The following TMEM65 variants were observed in gnomAD, a reference collection of about 807,000 sequenced individuals.
The protein encoded by TMEM65 is transmembrane protein 65.
Under a neutral mutation model 25.4 loss-of-function variants are expected in TMEM65, and 22 were observed. That is an observed-to-expected ratio of 0.86 (90% CI 0.62 to 1.23). The LOEUF is 1.23. TMEM65 is among the 50% of genes most tolerant of loss of function. The pLI, the probability that TMEM65 is intolerant of heterozygous loss-of-function variation, is 0.00. For synonymous variants in TMEM65, 132 were observed against 126.2 expected (o/e 1.05, Z -0.31); for missense variants, 262 against 308.2 (o/e 0.85, Z 1.12).
intron 6 of TMEM65, among the ~76,000 whole-genome samples, chr8:124,316,494 A>G (rs1248873089): frequency 6.6e-6 from 1 of 152,144 alleles, no homozygotes; most frequent in Non-Finnish European, 1.5e-5. Flanking sequence ...TCAAAATGTT[A>G]TGTTACAGAG....
intron 4 of TMEM65, among the ~76,000 whole-genome samples, chr8:124,323,045 T>C (rs1278295017): frequency 2.0e-5 from 3 of 151,974 alleles, no homozygotes; most frequent in African/African-American, 4.8e-5. Context: ...AGGGTAGAAA[T>C]GTTTAGGGGT....
intron 6 of TMEM65, among the ~76,000 whole-genome samples, chr8:124,315,512 G>A (rs1460980568): frequency 4.0e-5 from 6 of 151,830 alleles, no homozygotes; most frequent in African/African-American, 1.5e-4. Context: ...TAGTAGAGCC[G>A]GGGTTTCACT....
At chr8:124,360,248 G>A (rs1814842085) in intron 1 of TMEM65, among the ~76,000 whole-genome samples, 5 of 152,014 alleles carry the variant, frequency 3.3e-5, no homozygotes, top group Admixed American at 3.3e-4. Context: ...GGCTAACATG[G>A]TGAAACTCAG....
At chr8:124,365,314 A>G (rs1814924001) in intron 1 of TMEM65, among the ~76,000 whole-genome samples, 1 of 152,226 alleles carries the variant, frequency 6.6e-6, no homozygotes, top group African/African-American at 2.4e-5. Flanking sequence ...TGAAGAGACA[A>G]CACAATCAAG....
In TMEM65 at chr8:124,308,479, A is replaced by G. The variant is rs1179646192; in HGVS notation, c.*5481T>C. The G allele has an allele frequency of 6.6e-6, 1 of 152,244 alleles. No individual in the cohort carries two copies. The highest frequency in any genetic ancestry group is 1.9e-4 in the East Asian group (1 of 5,204). 9.4% of individuals were successfully genotyped at this position (152,244 alleles called of 1,614,324 possible). A position where few individuals can be genotyped will look rare whatever the true frequency, so the allele number is the denominator to read the frequency against. ...CATGAAAGCCATCAAGCCCAAAACA[A>G]TAAATTCCTGCTGAGGAAAACAACC... On this transcript the variant is annotated 3_prime_UTR_variant, in exon 7 of 7. Coordinates refer to ENST00000297632, the MANE Select transcript of TMEM65 (RefSeq NM_194291.3).
intron 5 of TMEM65, among the ~76,000 whole-genome samples, chr8:124,321,545 A>G (rs756072387): frequency 2.0e-5 from 3 of 152,266 alleles, no homozygotes; most frequent in South Asian, 2.1e-4. Flanking sequence ...TGCCACATAA[A>G]GTAAAGAGAG....
chr8:124,329,919 T>C (rs950451718), intron 2 of TMEM65, among the ~76,000 whole-genome samples: 1 of 151,914 alleles, frequency 6.6e-6, no homozygotes, highest in African/African-American at 2.4e-5. Flanking sequence ...AATTTTTAAA[T>C]TGTTTTGGTA....
At chr8:124,332,453 C>T (rs191550897) in intron 1 of TMEM65, among the ~76,000 whole-genome samples, 14 of 152,110 alleles carry the variant, frequency 9.2e-5, no homozygotes, top group Non-Finnish European at 1.8e-4. Context: ...TTGAGTAAAA[C>T]ATTAAAAATA....
intron 3 of TMEM65, among the ~76,000 whole-genome samples, chr8:124,325,330 T>G (rs1170227565): frequency 1.3e-5 from 2 of 152,038 alleles, no homozygotes; most frequent in Admixed American, 1.3e-4. Context: ...TAATAATCAC[T>G]TATTTCCCCT....
chr8:124,343,982 T>C lies in TMEM65; in HGVS notation c.305-13190A>G, dbSNP rs1482872175. On this transcript the variant is annotated intron_variant, in intron 1 of 6. Transcript: ENST00000297632. ...TAGGCAAATGTGTAACCCTAATTCC[T>C]TGTCAGTAGCCTCCAACCTTGCAAT... Among the ~76,000 whole-genome samples, 5 of 152,208 alleles carry C rather than the reference T, an allele frequency of 3.3e-5. 1 individual carries two copies. The highest frequency in any genetic ancestry group is 3.3e-4 in the Admixed American group (5 of 15,270).
At position 124,330,619 on chromosome 8, in the gene TMEM65, T is replaced by C. The variant is rs541642598; in HGVS notation, c.349+129A>G. The C allele has an allele frequency of 4.2e-5, 33 of 788,644 alleles. No homozygotes were observed. In the African/African-American group the frequency reaches 5.9e-4, roughly 14 times the overall value. 48.9% of individuals were successfully genotyped at this position (788,644 alleles called of 1,614,324 possible). On this transcript the variant is annotated intron_variant, in intron 2 of 6. Transcript: ENST00000297632. ...TTTATAAACTTTGTGCTTCATATAA[T>C]GAACAGGATAATCCACTCTATCTGG...
At position 124,309,047 on chromosome 8, in the gene TMEM65, AAGG is replaced by A. The variant is rs1306901635; in HGVS notation, c.*4910_*4912del. ...ACCTCAGCCTACTCAACATGAAGAC[AAGG>A]AGGATGAAGACTTTTATCATGATCC... is the stretch of plus-strand genomic sequence containing the variant. On this transcript the variant is annotated 3_prime_UTR_variant, in exon 7 of 7. Transcript: ENST00000297632. 12 of 152,404 alleles carry A rather than the reference AAGG, an allele frequency of 7.9e-5. No individual in the cohort carries two copies. The highest frequency in any genetic ancestry group is 7.2e-4 in the Admixed American group (11 of 15,294). 9.4% of individuals were successfully genotyped at this position (152,404 alleles called of 1,614,324 possible).
At chr8:124,358,168 G>T (rs1563598849) in intron 1 of TMEM65, among the ~76,000 whole-genome samples, 1 of 152,088 alleles carries the variant, frequency 6.6e-6, no homozygotes, top group Non-Finnish European at 1.5e-5. Context: ...ACTGGTTGAA[G>T]GATTTGGGGC....
At chr8:124,325,104 C>G (rs1027685428) in intron 3 of TMEM65, among the ~76,000 whole-genome samples, 1 of 151,896 alleles carries the variant, frequency 6.6e-6, no homozygotes, top group African/African-American at 2.4e-5. Flanking sequence ...AGGTTACACA[C>G]CTCTTTGTTT....
At chr8:124,369,506 T>C (rs1307339422) in intron 1 of TMEM65, among the ~76,000 whole-genome samples, 6 of 152,242 alleles carry the variant, frequency 3.9e-5, no homozygotes. Context: ...AGATTGCCTA[T>C]GGCAAGAAAT....
chr8:124,323,528 A>C (rs1814332119), intron 3 of TMEM65, among the ~76,000 whole-genome samples, 153 bp from the exon 4 acceptor site: 1 of 152,142 alleles, frequency 6.6e-6, no homozygotes, highest in South Asian at 2.1e-4. Context: ...ATAGTAATTC[A>C]TTAAATTATT....
chr8:124,345,790 C>T (rs1814634107), intron 1 of TMEM65, among the ~76,000 whole-genome samples: 1 of 152,108 alleles, frequency 6.6e-6, no homozygotes, highest in Non-Finnish European at 1.5e-5. Context: ...GTCACCCAGG[C>T]TGGAGTGCAA....
Position 124,308,078 on chromosome 8 carries a change from A to G in TMEM65, c.*5882T>C, listed in dbSNP as rs1814115258. On this transcript the variant is annotated 3_prime_UTR_variant, in exon 7 of 7. Transcript: ENST00000297632. ...CACCAGCTGCCAGTCTTCTGGCAGT[A>G]TAACAAGAAGGCCTGGACGACAAGA... 6.6e-6 allele frequency: 1 copy of G among 152,208 alleles called. No individual in the cohort carries two copies. The highest frequency in any genetic ancestry group is 1.5e-5 in the Non-Finnish European group (1 of 68,050). The allele number at this position is 152,208 out of a possible 1,614,324, so 9.4% of individuals were successfully genotyped here. A position where few individuals can be genotyped will look rare whatever the true frequency, so the allele number is the denominator to read the frequency against.
intron 1 of TMEM65, among the ~76,000 whole-genome samples, chr8:124,363,487 T>C (rs1029072622): frequency 1.3e-5 from 2 of 152,128 alleles, no homozygotes; most frequent in African/African-American, 2.4e-5. Flanking sequence ...TTAATTCTGA[T>C]GCATTTTCAA....
Sources: allele counts gnomAD v4.1 joint callset (sites outside exome capture counted in the v4.1 genomes callset), GRCh38; gene constraint gnomAD v4.1.1; transcripts MANE v1.5; gene names NCBI Gene and HGNC (gene_info 2026-07-23, HGNC 2026-07-21).